Variants in RAD51B observed in about 807,000 individuals in gnomAD.
RAD51B encodes the protein DNA repair protein RAD51 homolog 2.
RAD51B carries 38 observed loss-of-function variants against 42.2 expected under a neutral mutation model. That is an observed-to-expected ratio of 0.90 (90% confidence interval 0.70 to 1.18). RAD51B has a LOEUF of 1.18. RAD51B is among the 50% of genes most tolerant of loss of function. RAD51B has a pLI of 0.00. For synonymous variants in RAD51B, 154 were observed against 145.2 expected, an observed-to-expected ratio of 1.06 and a Z score of -0.43; for missense variants, 373 against 400.7, an observed-to-expected ratio of 0.93 and a Z score of 0.59.
chr14:67,973,380 C>T (rs570183972), intron 7 of RAD51B, among the ~76,000 whole-genome samples: 36 of 152,222 alleles, frequency 2.4e-4, no homozygotes, highest in Admixed American at 2.0e-3. Context: ...GAAACTTAAA[C>T]AATGTTGAAG....
chr14:67,924,413 T>A (rs993334139), intron 7 of RAD51B, among the ~76,000 whole-genome samples: 10 of 152,178 alleles, frequency 6.6e-5, no homozygotes, highest in Admixed American at 2.0e-4. Flanking sequence ...ATAAAGTGTG[T>A]CTTAGTCCAT....
chr14:67,835,009 G>T, intron 3 of RAD51B, 71 bp from the exon 4 acceptor site: 2 of 1,179,814 alleles, frequency 1.7e-6, no homozygotes, highest in Non-Finnish European at 1.2e-6. Flanking sequence ...AAAATTTAGA[G>T]AATTAAAGTT....
intron 7 of RAD51B, among the ~76,000 whole-genome samples, chr14:68,213,007 T>C (rs2079743014): frequency 6.6e-6 from 1 of 152,206 alleles, no homozygotes; most frequent in African/African-American, 2.4e-5. Context: ...ACCTGATGGA[T>C]GGACTAATGT....
chr14:67,821,771 T>C (rs1386688832), intron 1 of RAD51B, among the ~76,000 whole-genome samples: 1 of 152,174 alleles, frequency 6.6e-6, no homozygotes, highest in Admixed American at 6.5e-5. Flanking sequence ...CTATGGTTCT[T>C]TTCTTTCTCC....
chr14:68,356,429 C>T (rs7149637), intron 8 of RAD51B, among the ~76,000 whole-genome samples: 62,838 of 125,920 alleles, frequency 0.5, 15,936 homozygotes, highest in Admixed American at 0.64. Context: ...AGCGAGACTC[C>T]GTCTCAAAAA....
intron 5 of RAD51B, among the ~76,000 whole-genome samples, chr14:67,881,224 CTG>C (rs2042896944): frequency 6.6e-6 from 1 of 152,074 alleles, no homozygotes; most frequent in South Asian, 2.1e-4. Flanking sequence ...CAGCACATGA[CTG>C]TGGTTTTTTA....
At chr14:67,999,753 A>G (rs1240532907) in intron 7 of RAD51B, among the ~76,000 whole-genome samples, 3 of 152,204 alleles carry the variant, frequency 2.0e-5, no homozygotes, top group African/African-American at 7.2e-5. Context: ...TAGAATACAC[A>G]TAGGATAGAG....
chr14:67,914,701 T>C (rs548605452), intron 7 of RAD51B, among the ~76,000 whole-genome samples: 40 of 152,386 alleles, frequency 2.6e-4, no homozygotes, highest in Middle Eastern at 3.4e-3. Context: ...CATTTTTTTG[T>C]AGACTTGGTG....
At chr14:67,864,775 C>T (rs1460783881) in intron 4 of RAD51B, 1 of 706,912 alleles carries the variant, frequency 1.4e-6, no homozygotes, top group Non-Finnish European at 2.4e-6. Context: ...ACTATTTTCT[C>T]AATTCCTCCA....
chr14:68,569,361 C>CA, intron 10 of RAD51B, among the ~76,000 whole-genome samples: 1 of 152,348 alleles, frequency 6.6e-6, no homozygotes, highest in Non-Finnish European at 1.5e-5. Flanking sequence ...GCAACAGGGT[C>CA]AGCAGCAGCA....
At chr14:68,218,266 C>G (rs2079854358) in intron 7 of RAD51B, among the ~76,000 whole-genome samples, 1 of 152,200 alleles carries the variant, frequency 6.6e-6, no homozygotes, top group African/African-American at 2.4e-5. Flanking sequence ...TTGATGTTAA[C>G]CCCATACCCT....
intron 7 of RAD51B, among the ~76,000 whole-genome samples, chr14:67,891,700 G>A (rs1020676973): frequency 6.6e-6 from 1 of 150,704 alleles, no homozygotes; most frequent in African/African-American, 2.4e-5. Context: ...ATGCCAAGTG[G>A]GTTTAATTTA....
At chr14:68,536,349 A>G (rs1182505313) in intron 10 of RAD51B, among the ~76,000 whole-genome samples, 1 of 152,116 alleles carries the variant, frequency 6.6e-6, no homozygotes, top group Non-Finnish European at 1.5e-5. Context: ...ACCATTCCCA[A>G]CCCCTCCCTG....
chr14:68,628,164 G>A (rs1892135064), intron 10 of RAD51B, among the ~76,000 whole-genome samples: 1 of 152,202 alleles, frequency 6.6e-6, no homozygotes, highest in Non-Finnish European at 1.5e-5. Context: ...AGTCTTTCCA[G>A]TCATTGAAAA....
rs147137350 is a variant in RAD51B, at chr14:68,523,937, A to C, written c.1036+55687A>C. Reference sequence around the variant, plus strand: ...TGTCTGTCGTGCTCAAAATGGAGTGAATATCAATGGTCTGGTGGCATCAAA... The same window carrying C: ...TGTCTGTCGTGCTCAAAATGGAGTGCATATCAATGGTCTGGTGGCATCAAA... On this transcript the variant is annotated intron_variant, in intron 10 of 10. Coordinates refer to the RAD51B transcript ENST00000487270. Among the ~76,000 whole-genome samples the C allele has an allele frequency of 2.7e-3, 407 of 152,360 alleles. 2 individuals are homozygous for C. The highest frequency in any genetic ancestry group is 6.8e-3 in the Middle Eastern group (2 of 294).
chr14:67,946,297 G>A (rs1005205929), intron 7 of RAD51B, among the ~76,000 whole-genome samples: 3 of 152,138 alleles, frequency 2.0e-5, no homozygotes, highest in Non-Finnish European at 4.4e-5. Flanking sequence ...GGAATAAATA[G>A]CTAAAGAAAT....
At chr14:68,161,060 T>A (rs79629262) in intron 7 of RAD51B, among the ~76,000 whole-genome samples, 1 of 152,332 alleles carries the variant, frequency 6.6e-6, no homozygotes, top group African/African-American at 2.4e-5. Flanking sequence ...TTCTATAAAT[T>A]GGGACTCAAG....
At chr14:68,330,130 A>C (rs1213471784) in intron 8 of RAD51B, among the ~76,000 whole-genome samples, 1 of 152,236 alleles carries the variant, frequency 6.6e-6, no homozygotes, top group Non-Finnish European at 1.5e-5. Flanking sequence ...ATTCAGCATT[A>C]ATAAGATACT....
At chr14:68,141,393 A>T (rs1367151313) in intron 7 of RAD51B, among the ~76,000 whole-genome samples, 1 of 152,196 alleles carries the variant, frequency 6.6e-6, no homozygotes, top group East Asian at 1.9e-4. Context: ...CAAGACTAAA[A>T]GTTTTGAGAA....
Sources: gnomAD v4.1 joint callset for allele counts (sites outside exome capture counted in the v4.1 genomes callset) on GRCh38, gnomAD v4.1.1 for gene constraint, MANE v1.5 for transcripts, NCBI Gene and HGNC (gene_info 2026-07-23, HGNC 2026-07-21) for gene names.